The following ZNF407 variants were observed in gnomAD, a reference collection of about 807,000 sequenced individuals.
ZNF407 encodes zinc finger protein 407.
ZNF407 carries 17 observed loss-of-function variants against 131.2 expected under a neutral mutation model. The observed-to-expected ratio is 0.13, with a 90% CI of 0.09 to 0.19. The LOEUF (loss-of-function observed/expected upper bound fraction) is 0.19, where lower values mean the gene tolerates loss of function less well. Among genes scored for constraint, ZNF407 ranks in the 10% least tolerant of loss-of-function variants. The pLI, the probability that ZNF407 is intolerant of heterozygous loss-of-function variation, is 1.00. For missense variants in ZNF407, 2,681 were observed against 2,830.6 expected (o/e 0.95, Z 1.20); for synonymous variants, 1,156 against 1,062.0 (o/e 1.09, Z -1.72).
chr18:74,903,677 G>A (rs545123416), intron 7 of ZNF407, among the ~76,000 whole-genome samples: 15 of 152,292 alleles, frequency 9.8e-5, no homozygotes, highest in South Asian at 6.2e-4. Flanking sequence ...AATATGTAGC[G>A]ATGAAGAGTT....
chr18:74,746,498 A>G (rs1968671603), intron 3 of ZNF407, among the ~76,000 whole-genome samples: 2 of 152,076 alleles, frequency 1.3e-5, no homozygotes, highest in South Asian at 4.2e-4. Flanking sequence ...GTTCAAATGT[A>G]TTTTCTTATA....
At chr18:75,050,129 C>T (rs1246487428) in intron 8 of ZNF407, among the ~76,000 whole-genome samples, 1 of 152,138 alleles carries the variant, frequency 6.6e-6, no homozygotes, top group Non-Finnish European at 1.5e-5. Flanking sequence ...AGTTACATTA[C>T]ATACCAATTT....
chr18:74,983,154 C>T (rs193063972), intron 8 of ZNF407, among the ~76,000 whole-genome samples: 4 of 152,282 alleles, frequency 2.6e-5, no homozygotes, highest in Admixed American at 2.0e-4. Flanking sequence ...GCATCATCTT[C>T]CCTTAAACTG....
chr18:74,932,312 T>A (rs997414718), intron 8 of ZNF407, among the ~76,000 whole-genome samples: 16 of 152,224 alleles, frequency 1.1e-4, no homozygotes, highest in Non-Finnish European at 1.2e-4. Context: ...TTCATTAAAT[T>A]GCCTTTGTTC....
chr18:74,876,854 G>A (rs545897192), intron 4 of ZNF407, among the ~76,000 whole-genome samples: 3 of 152,346 alleles, frequency 2.0e-5, no homozygotes, highest in Admixed American at 6.5e-5. Context: ...AGTATGGATA[G>A]CATTTCATTT....
chr18:74,608,809 A>G (rs567516449), intron 1 of ZNF407, among the ~76,000 whole-genome samples: 9 of 152,324 alleles, frequency 5.9e-5, no homozygotes, highest in Non-Finnish European at 1.3e-4. Context: ...GGGTGAAATC[A>G]TGTCCTTCTC....
chr18:74,618,552 A>C (rs1271764926), intron 1 of ZNF407, among the ~76,000 whole-genome samples: 1 of 152,214 alleles, frequency 6.6e-6, no homozygotes, highest in African/African-American at 2.4e-5. Context: ...GGCCTCAATC[A>C]TAAATGTATT....
At chr18:74,992,603 C>A (rs1225048841) in intron 8 of ZNF407, among the ~76,000 whole-genome samples, 1 of 152,182 alleles carries the variant, frequency 6.6e-6, no homozygotes, top group African/African-American at 2.4e-5. Context: ...GGGCTGTGAG[C>A]GTCACGGAAG....
At chr18:75,026,302 C>T (rs1423050193) in intron 8 of ZNF407, among the ~76,000 whole-genome samples, 1 of 152,172 alleles carries the variant, frequency 6.6e-6, no homozygotes, top group Non-Finnish European at 1.5e-5. Context: ...CTATTGAAAA[C>T]TTAGCATCAA....
chr18:74,658,042 ATAT>A (rs1015754569), intron 3 of ZNF407, among the ~76,000 whole-genome samples: 4 of 149,280 alleles, frequency 2.7e-5, no homozygotes, highest in South Asian at 2.1e-4. Context: ...GGAACTGAAA[ATAT>A]TATTGCTATC....
chr18:74,944,005 A>G (rs1022054883), intron 8 of ZNF407, among the ~76,000 whole-genome samples: 4 of 152,196 alleles, frequency 2.6e-5, no homozygotes, highest in African/African-American at 4.8e-5. Flanking sequence ...TTAGGAAGTA[A>G]TATTTCCCCC....
At chr18:74,954,049 T>G (rs952619602) in intron 8 of ZNF407, among the ~76,000 whole-genome samples, 2 of 152,276 alleles carry the variant, frequency 1.3e-5, no homozygotes, top group Admixed American at 6.5e-5. Flanking sequence ...ACACATATTT[T>G]AGTCATTGTG....
chr18:74,681,981 G>A (rs1015226794), intron 3 of ZNF407, among the ~76,000 whole-genome samples: 2 of 152,164 alleles, frequency 1.3e-5, no homozygotes, highest in Admixed American at 6.5e-5. Context: ...TATAATCACC[G>A]TAGTTGGTAA....
chr18:74,766,215 G>T (rs1056437980), intron 3 of ZNF407, among the ~76,000 whole-genome samples: 1 of 152,314 alleles, frequency 6.6e-6, no homozygotes, highest in African/African-American at 2.4e-5. Flanking sequence ...AGGGCAGGCA[G>T]TTGAGAAGTG....
intron 6 of ZNF407, among the ~76,000 whole-genome samples, chr18:74,882,070 C>T (rs1193627035): frequency 1.3e-5 from 2 of 152,180 alleles, no homozygotes; most frequent in African/African-American, 4.8e-5. Flanking sequence ...AGTTACCTCC[C>T]ACCAGGTCTC....
At chr18:74,879,809 C>G (rs1359993824) in intron 5 of ZNF407, among the ~76,000 whole-genome samples, 1 of 152,002 alleles carries the variant, frequency 6.6e-6, no homozygotes, top group Admixed American at 6.6e-5. Context: ...TATATGTGTT[C>G]GTTGAAAGTA....
chr18:74,867,392 A>G (rs772309302), intron 4 of ZNF407, among the ~76,000 whole-genome samples: 1 of 152,208 alleles, frequency 6.6e-6, no homozygotes, highest in East Asian at 1.9e-4. Flanking sequence ...ATCTTAATTT[A>G]TATTTATAGA....
At position 74,664,213 on chromosome 18, in the gene ZNF407, A is replaced by AT. The variant is rs574012598; in HGVS notation, c.4802+23097dup. 4.6e-3 allele frequency among the ~76,000 whole-genome samples: 693 copies of AT among 152,302 alleles called. 7 individuals carry two copies. Among genetic ancestry groups the AT allele is most frequent in the African/African-American group, 0.016 (676 of 41,560 alleles). The stretch of plus-strand genomic sequence containing the variant: ...ACCACAGTCTCTTAAAAGAAAGGAC[A>AT]TTTTTTGGCTGGGCGTGGTGGCTCA... On this transcript the variant is annotated intron_variant, in intron 3 of 8. Coordinates refer to ENST00000299687, the MANE Select transcript of ZNF407 (RefSeq NM_017757.3).
intron 8 of ZNF407, among the ~76,000 whole-genome samples, chr18:75,012,067 A>G (rs1384247232): frequency 6.6e-6 from 1 of 152,162 alleles, no homozygotes; most frequent in Non-Finnish European, 1.5e-5. Context: ...ATATATTTAA[A>G]TATTAAAGTA....
Sources: gnomAD v4.1 joint callset for allele counts (sites outside exome capture counted in the v4.1 genomes callset) on GRCh38, gnomAD v4.1.1 for gene constraint, MANE v1.5 for transcripts, NCBI Gene and HGNC (gene_info 2026-07-23, HGNC 2026-07-21) for gene names.